SDK1: variants seen among roughly 807,000 people sequenced by gnomAD.
SDK1 encodes sidekick cell adhesion molecule 1.
SDK1 carries 157 observed loss-of-function variants against 245.5 expected under a neutral mutation model. That is an observed-to-expected ratio of 0.64 (90% CI 0.56 to 0.73). SDK1 has a LOEUF of 0.73. Among genes scored for constraint, SDK1 ranks in the 30% least tolerant of loss-of-function variants. The pLI, the probability that SDK1 is intolerant of heterozygous loss-of-function variation, is 0.00. For missense variants in SDK1, 3,583 were observed against 3,002.3 expected (o/e 1.19, Z -4.52); for synonymous variants, 1,647 against 1,278.5 (o/e 1.29, Z -6.15).
At chr7:3,398,071 T>G (rs1778772523) in intron 1 of SDK1, among the ~76,000 whole-genome samples, 1 of 152,062 alleles carries the variant, frequency 6.6e-6, no homozygotes, top group African/African-American at 2.4e-5. Flanking sequence ...ATCTGGCTTG[T>G]AGGTTTAACG....
intron 4 of SDK1, among the ~76,000 whole-genome samples, chr7:3,688,033 G>A (rs910146611): frequency 1.3e-5 from 2 of 152,148 alleles, no homozygotes; most frequent in Non-Finnish European, 1.5e-5. Flanking sequence ...TTTCCAAGAG[G>A]AAACTACTCT....
intron 4 of SDK1, among the ~76,000 whole-genome samples, chr7:3,799,128 TCTC>T (rs888979310): frequency 1.3e-5 from 2 of 152,200 alleles, no homozygotes; most frequent in Non-Finnish European, 2.9e-5. Flanking sequence ...TCATGTTTCT[TCTC>T]CTCTTTAAAA....
intron 4 of SDK1, among the ~76,000 whole-genome samples, chr7:3,726,160 T>C (rs1324525510): frequency 6.6e-6 from 1 of 152,244 alleles, no homozygotes; most frequent in African/African-American, 2.4e-5. Flanking sequence ...GAATCCATCA[T>C]GTGAGAACAT....
intron 1 of SDK1, among the ~76,000 whole-genome samples, chr7:3,604,983 T>G (rs902245244): frequency 6.6e-6 from 1 of 152,162 alleles, no homozygotes; most frequent in Admixed American, 6.5e-5. Flanking sequence ...TCCTGTTGTC[T>G]TTTGGTTTTT....
At chr7:3,328,468 A>T (rs573597800) in intron 1 of SDK1, among the ~76,000 whole-genome samples, 1 of 152,066 alleles carries the variant, frequency 6.6e-6, no homozygotes, top group Non-Finnish European at 1.5e-5. Flanking sequence ...GCAAGACCCA[A>T]ACTTCACACA....
rs140528935 is a variant in SDK1, at chr7:3,662,968, C to G, written c.713+20863C>G. 1.6e-4 allele frequency among the ~76,000 whole-genome samples: 24 copies of G among 152,164 alleles called. 1 individual carries two copies. The highest frequency in any genetic ancestry group is 5.5e-4 in the African/African-American group (23 of 41,510). Reference sequence around the variant, plus strand: ...GCATTTTGGATAAGGTATGCTCAACCTGTAATATGTATTATGTATATGCAA... The same window carrying G: ...GCATTTTGGATAAGGTATGCTCAACGTGTAATATGTATTATGTATATGCAA... On this transcript the variant is annotated intron_variant, in intron 4 of 44. Coordinates refer to ENST00000404826, the MANE Select transcript of SDK1 (RefSeq NM_152744.4).
chr7:3,527,747 A>G (rs1053337735), intron 1 of SDK1, among the ~76,000 whole-genome samples: 7 of 145,996 alleles, frequency 4.8e-5, no homozygotes, highest in Non-Finnish European at 9.0e-5. Context: ...AGGTTGGATG[A>G]TAGCTAGGGG....
At chr7:3,855,551 G>A (rs1780524742) in intron 5 of SDK1, among the ~76,000 whole-genome samples, 1 of 152,102 alleles carries the variant, frequency 6.6e-6, no homozygotes. Flanking sequence ...AAGACTAGGA[G>A]AAATAATGTA....
In SDK1 at chr7:3,615,690, C is replaced by T. The variant is rs564734668; in HGVS notation, c.299-3390C>T. Among the ~76,000 whole-genome samples, 43 of 151,764 alleles carry T rather than the reference C, an allele frequency of 2.8e-4. 3 individuals carry two copies. The highest frequency in any genetic ancestry group is 6.8e-3 in the Middle Eastern group (2 of 294). On this transcript the variant is annotated intron_variant, in intron 1 of 44. Transcript: ENST00000404826. ...TCCTTCTTGACATCTCCCTCTCCCT[C>T]ACATCCATAACCAATCTATCACTGA...
chr7:3,628,979 T>A (rs2568528), intron 2 of SDK1, among the ~76,000 whole-genome samples: 143,917 of 152,038 alleles, frequency 0.95, 68,146 homozygotes, highest in Admixed American at 0.97. Flanking sequence ...CTAGATTTCT[T>A]AGGGCAGGGT....
chr7:4,149,055 A>AAAAACAAAAC lies in SDK1; in HGVS notation c.4424-187_4424-178dup, dbSNP rs59907207. Among the ~76,000 whole-genome samples the AAAAACAAAAC allele has an allele frequency of 7.3e-3, 1,112 of 151,488 alleles. 16 individuals are homozygous for AAAAACAAAAC. The highest frequency in any genetic ancestry group is 0.025 in the African/African-American group (1,006 of 40,974). On this transcript the variant is annotated intron_variant, in intron 29 of 44. Coordinates refer to ENST00000404826, the MANE Select transcript of SDK1 (RefSeq NM_152744.4). The stretch of plus-strand genomic sequence containing the variant: ...TGGTGACAGAGTGAGACTCTGTCTC[A>AAAAACAAAAC]AAAACAAAACAAAACAAAACAAAAC...
At chr7:3,970,574 C>G (rs1364409109) in intron 11 of SDK1, among the ~76,000 whole-genome samples, 1 of 152,170 alleles carries the variant, frequency 6.6e-6, no homozygotes, top group Non-Finnish European at 1.5e-5. Flanking sequence ...TATTAAAAAG[C>G]TTATGAAAAA....
chr7:3,313,659 G>A (rs1779600878), intron 1 of SDK1, among the ~76,000 whole-genome samples: 3 of 152,192 alleles, frequency 2.0e-5, no homozygotes, highest in South Asian at 2.1e-4. Flanking sequence ...TAGCGAGAGT[G>A]TAAGCAGTAG....
At chr7:3,757,467 C>A (rs762039998) in intron 4 of SDK1, among the ~76,000 whole-genome samples, 2 of 152,030 alleles carry the variant, frequency 1.3e-5, no homozygotes, top group Admixed American at 1.3e-4. Context: ...AAACTCCTGG[C>A]CTCAAGCAGT....
intron 5 of SDK1, among the ~76,000 whole-genome samples, chr7:3,853,993 A>G (rs1192684813): frequency 6.6e-6 from 1 of 152,146 alleles, no homozygotes; most frequent in African/African-American, 2.4e-5. Context: ...GTCTCAAAAA[A>G]AAAATTTTTT....
chr7:3,753,094 G>GTGAGGTGGGGA (rs1327648174), intron 4 of SDK1, among the ~76,000 whole-genome samples: 2 of 152,146 alleles, frequency 1.3e-5, no homozygotes, highest in African/African-American at 4.8e-5. Flanking sequence ...ACTAAGATGG[G>GTGAGGTGGGGA]TGAGGTGGGG....
intron 1 of SDK1, among the ~76,000 whole-genome samples, chr7:3,547,644 A>T (rs1196518290): frequency 6.6e-6 from 1 of 152,224 alleles, no homozygotes; most frequent in African/African-American, 2.4e-5. Context: ...CTTGTCCATG[A>T]TACTACCCTG....
intron 4 of SDK1, among the ~76,000 whole-genome samples, chr7:3,709,802 A>G (rs1784991130): frequency 6.6e-6 from 1 of 152,178 alleles, no homozygotes; most frequent in Admixed American, 6.5e-5. Context: ...TTCTAATATC[A>G]AAGGGAACTT....
At chr7:3,485,683 G>GTTTTTTTTTGTTTTTTTTTTTTTTTTT (rs1781666402) in intron 1 of SDK1, among the ~76,000 whole-genome samples, 1 of 38,176 alleles carries the variant, frequency 2.6e-5, no homozygotes, top group Non-Finnish European at 4.5e-5. Context: ...TCTTTGGAGG[G>GTTTTTTTTTGTTTTTTTTTTTTTTTTT]TTTTTTTTTT....
Sources: gnomAD v4.1 joint callset for allele counts (sites outside exome capture counted in the v4.1 genomes callset) on GRCh38, gnomAD v4.1.1 for gene constraint, MANE v1.5 for transcripts, NCBI Gene and HGNC (gene_info 2026-07-23, HGNC 2026-07-21) for gene names.